The following LRGUK variants were observed in gnomAD, a reference collection of about 807,000 sequenced individuals.
The protein encoded by LRGUK is leucine rich repeats and guanylate kinase domain containing.
A neutral mutation model predicts 76.0 loss-of-function variants in LRGUK; 65 were observed. The ratio of observed to expected loss-of-function variants is 0.85; its 90% CI spans 0.70 to 1.05. The LOEUF is 1.05. Among genes scored for constraint, LRGUK ranks in the 50% least tolerant of loss-of-function variants. The pLI is 0.00. For synonymous variants in LRGUK, 268 were observed against 265.6 expected (o/e 1.01, Z -0.09); for missense variants, 758 against 732.8 (o/e 1.03, Z -0.40).
At chr7:134,169,216 A>C (rs185144960) in intron 7 of LRGUK, among the ~76,000 whole-genome samples, 1 of 151,586 alleles carries the variant, frequency 6.6e-6, no homozygotes, top group Non-Finnish European at 1.5e-5. Flanking sequence ...GAGAAGACCC[A>C]GGTGAAGATG....
At chr7:134,135,800 C>T (rs942245642) in intron 1 of LRGUK, among the ~76,000 whole-genome samples, 23 of 152,186 alleles carry the variant, frequency 1.5e-4, no homozygotes, top group Admixed American at 3.3e-4. Context: ...GGACTCCAGG[C>T]GCCCGCCACC....
At chr7:134,176,782 A>T (rs1373343959) in intron 8 of LRGUK, among the ~76,000 whole-genome samples, 195 bp from the exon 9 acceptor site, 2 of 152,190 alleles carry the variant, frequency 1.3e-5, no homozygotes, top group East Asian at 1.9e-4. Context: ...GAAGACCTTT[A>T]TAAGTTACAA....
intron 10 of LRGUK, among the ~76,000 whole-genome samples, chr7:134,182,229 C>T (rs1799787035): frequency 6.6e-6 from 1 of 152,148 alleles, no homozygotes; most frequent in South Asian, 2.1e-4. Context: ...GTGAAAGTAT[C>T]ACAGTTACTT....
intron 11 of LRGUK, among the ~76,000 whole-genome samples, chr7:134,187,283 G>T (rs1800016262): frequency 6.6e-6 from 1 of 151,948 alleles, no homozygotes. Context: ...AAGTTTTATT[G>T]ATTTTTAATT....
intron 15 of LRGUK, among the ~76,000 whole-genome samples, chr7:134,220,110 G>A (rs1299365198): frequency 6.6e-6 from 1 of 152,174 alleles, no homozygotes. Flanking sequence ...CAATAAATAT[G>A]GGTCAAGTGG....
In LRGUK at chr7:134,171,386, G is replaced by A. The variant is rs1232491760; in HGVS notation, c.940-3170G>A. Among the ~76,000 whole-genome samples the A allele has an allele frequency of 4.0e-5, 6 of 151,480 alleles. No homozygotes were observed. The South Asian group carries it at 1.0e-3, about 26-fold the overall frequency. ...GTTGTACCCAATTGTTTTCTAAGAC[G>A]ACAAATATATATATGTGTGTATATA... On this transcript the variant is annotated intron_variant, in intron 7 of 15. Coordinates refer to ENST00000645682, the Ensembl canonical transcript of LRGUK.
chr7:134,219,605 C>T (rs1179157754), intron 15 of LRGUK, among the ~76,000 whole-genome samples: 1 of 152,074 alleles, frequency 6.6e-6, no homozygotes, highest in Non-Finnish European at 1.5e-5. Flanking sequence ...TTTCCTAATG[C>T]GCTGTACTTA....
At chr7:134,270,765 T>C in the LRGUK span, among the ~76,000 whole-genome samples, 14 of 152,248 alleles carry the variant, frequency 9.2e-5, no homozygotes, top group East Asian at 2.7e-3. Flanking sequence ...TGGTAATTTA[T>C]TCACTTTTCT....
chr7:134,157,909 T>C, intron 5 of LRGUK, 126 bp from the exon 6 acceptor site: 2 of 639,862 alleles, frequency 3.1e-6, no homozygotes, highest in Non-Finnish European at 5.4e-6. Flanking sequence ...TCATCCTATA[T>C]TGGGCATATA....
chr7:134,138,433 A>C (rs957881516), intron 2 of LRGUK, among the ~76,000 whole-genome samples: 1 of 151,938 alleles, frequency 6.6e-6, no homozygotes, highest in South Asian at 2.1e-4. Context: ...TACTTATGTT[A>C]CATGTTATTT....
At chr7:134,175,909 CA>C (rs1344394956) in intron 8 of LRGUK, among the ~76,000 whole-genome samples, 5 of 151,894 alleles carry the variant, frequency 3.3e-5, no homozygotes, top group Non-Finnish European at 5.9e-5. Flanking sequence ...CATAATAATA[CA>C]AATTAATACG....
exon 16 of LRGUK, chr7:134,210,233 C>T (rs1801194846): frequency 5.0e-6 from 2 of 398,984 alleles, no homozygotes; most frequent in South Asian, 2.5e-4. Context: ...CCCCAGCCCT[C>T]CTCTTGTTTC....
Position 134,160,713 on chromosome 7 carries a change from A to G in LRGUK, c.795+2554A>G, listed in dbSNP as rs369803788. ...TAATGACAATGCATTCCAAACTTTA[A>G]AATTCATTTCGTCACAGTAAATGCT... On this transcript the variant is annotated intron_variant, in intron 6 of 15. Transcript: ENST00000645682. Among the ~76,000 whole-genome samples the G allele has an allele frequency of 3.9e-5, 6 of 152,234 alleles. No individual in the cohort carries two copies. The East Asian group carries it at 7.7e-4, about 20-fold the overall frequency.
At chr7:134,139,002 A>T (rs1046148763) in intron 2 of LRGUK, among the ~76,000 whole-genome samples, 4 of 152,134 alleles carry the variant, frequency 2.6e-5, no homozygotes, top group Non-Finnish European at 5.9e-5. Context: ...GTGAAAGTGT[A>T]GGTAGTATTG....
At chr7:134,239,263 C>T (rs996045820) in intron 16 of LRGUK, among the ~76,000 whole-genome samples, 8 of 152,196 alleles carry the variant, frequency 5.3e-5, no homozygotes, top group South Asian at 2.1e-4. Context: ...TCGCCTCACC[C>T]GGGAAGCGCA....
downstream of LRGUK, among the ~76,000 whole-genome samples, chr7:134,265,077 A>C (rs1236408291): frequency 6.6e-6 from 1 of 152,152 alleles, no homozygotes; most frequent in African/African-American, 2.4e-5. Flanking sequence ...CGGGGGGACC[A>C]TGAAGGAGAT....
chr7:134,227,825 A>G (rs1397058724), intron 16 of LRGUK, among the ~76,000 whole-genome samples: 1 of 152,230 alleles, frequency 6.6e-6, no homozygotes, highest in Non-Finnish European at 1.5e-5. Flanking sequence ...TGATAAGAAA[A>G]ATAAATCTTA....
intron 5 of LRGUK, among the ~76,000 whole-genome samples, chr7:134,154,241 G>A (rs1033917365): frequency 1.3e-5 from 2 of 152,228 alleles, no homozygotes; most frequent in African/African-American, 4.8e-5. Flanking sequence ...GATTAACCCA[G>A]TAAGCTAATT....
rs531876423 is a variant in LRGUK at position 134,226,877 on chromosome 7, C to A, written c.1983+4959C>A. On this transcript the variant is annotated intron_variant, in intron 16 of 19. Transcript: ENST00000285928. ...AGGACTCAGGCCCTCAGCTGTACTTCTTTATATTCAAGAACAGCAGCTCTC... is the reference window on the plus strand; with the variant it reads ...AGGACTCAGGCCCTCAGCTGTACTTATTTATATTCAAGAACAGCAGCTCTC... Among the ~76,000 whole-genome samples the A allele has an allele frequency of 1.6e-4, 24 of 152,266 alleles. No homozygotes were observed. The South Asian group carries it at 3.9e-3, about 25-fold the overall frequency.
Sources: allele counts gnomAD v4.1 joint callset (sites outside exome capture counted in the v4.1 genomes callset), GRCh38; gene constraint gnomAD v4.1.1; transcripts MANE v1.5; gene names NCBI Gene and HGNC (gene_info 2026-07-23, HGNC 2026-07-21).